The following ST6GAL2 variants were observed in gnomAD, a reference collection of about 807,000 sequenced individuals.
ST6GAL2 encodes ST6 beta-galactoside alpha-2,6-sialyltransferase 2, also known as beta-galactoside alpha-2,6-sialyltransferase 2.
A neutral mutation model predicts 37.5 loss-of-function variants in ST6GAL2; 24 were observed. That is an observed-to-expected ratio of 0.64 (90% CI 0.46 to 0.90). ST6GAL2 has a LOEUF of 0.90. Among genes scored for constraint, ST6GAL2 ranks in the 40% least tolerant of loss-of-function variants. The probability of loss-of-function intolerance (pLI) is 0.00; values close to 1 mark genes in which losing one functional copy is unlikely to be tolerated. For synonymous variants in ST6GAL2, 306 were observed against 295.1 expected, an observed-to-expected ratio of 1.04 and a Z score of -0.38; for missense variants, 715 against 712.7, an observed-to-expected ratio of 1.00 and a Z score of -0.04.
chr2:106,827,170 C>T (rs1337408130), intron 5 of ST6GAL2, among the ~76,000 whole-genome samples: 1 of 152,008 alleles, frequency 6.6e-6, no homozygotes, highest in Admixed American at 6.5e-5. Context: ...ATGAAGGGGG[C>T]ATTTGGAGAA....
At position 106,812,425 on chromosome 2, in the gene ST6GAL2, C is replaced by T. The variant is rs116108027; in HGVS notation, c.1319-5476G>A. Among the ~76,000 whole-genome samples the T allele has an allele frequency of 6.2e-3, 952 of 152,324 alleles. 5 individuals are homozygous for T. Among genetic ancestry groups the T allele is most frequent in the African/African-American group, 0.022 (918 of 41,580 alleles). ...CAGTACTCAGTGTTTCTATTTGAAA[C>T]TGGTCATGTCAGCAGTCTCTGCCTG... On this transcript the variant is annotated intron_variant, in intron 5 of 5. Transcript: ENST00000409382.
rs1046404145 is a variant in ST6GAL2, at chr2:106,802,147, T to G, written c.*4531A>C. The G allele has an allele frequency of 6.6e-6, 1 of 152,156 alleles. No homozygotes were observed. The highest frequency in any genetic ancestry group is 1.5e-5 in the Non-Finnish European group (1 of 68,038). The allele number at this position is 152,156 out of a possible 1,614,324, so 9.4% of individuals were successfully genotyped here. ...GTAGCCAAGATGTGCAGAGTATGAG[T>G]GTGTGGGAAGCGGTTGGCGGAGGAC... On this transcript the variant is annotated 3_prime_UTR_variant, in exon 6 of 6. Coordinates refer to ENST00000409382, the MANE Select transcript of ST6GAL2 (RefSeq NM_001142351.2).
At chr2:106,884,924 T>C (rs1468307642) in intron 1 of ST6GAL2, among the ~76,000 whole-genome samples, 1 of 122,004 alleles carries the variant, frequency 8.2e-6, no homozygotes, top group African/African-American at 3.6e-5. Context: ...TATATATATA[T>C]ATATATATAT....
intron 1 of ST6GAL2, among the ~76,000 whole-genome samples, chr2:106,884,916 TATATATATATATATATATAC>T (rs1158862474): frequency 5.3e-5 from 6 of 113,442 alleles, no homozygotes; most frequent in East Asian, 2.1e-4. Context: ...CATATATATA[TATATATATATATATATATAC>T]ATACACACAC....
In ST6GAL2 at chr2:106,820,856, T is replaced by C. The variant is rs181028416; in HGVS notation, c.1318+9210A>G. On this transcript the variant is annotated intron_variant, in intron 5 of 5. Transcript: ENST00000409382. ...AATTAAAAAGATGAATTTTGGAAAC[T>C]ATATAAACACATGAAAATAAAATGG... Among the ~76,000 whole-genome samples the C allele has an allele frequency of 2.4e-4, 37 of 152,074 alleles. No individual in the cohort carries two copies. The South Asian group carries it at 6.2e-3, about 26-fold the overall frequency.
chr2:106,806,789 C>G lies in ST6GAL2; in HGVS notation c.1479G>C (p.Gln493His). ...CCCCCTGCGTGCCCATGTTCAGGCG[C>G]TGCACCAGGAGCTTCTCATAGAGTA... ...HPLLYEKLLV[Q>H]RLNMGTQGDL... is the part of the protein sequence containing the mutation. The change falls in exon 6 of 6, where the codon CAG (glutamine) becomes CAC (histidine). Residue 493 changes from glutamine (Q) to histidine (H), a missense_variant. By Grantham distance (24) the Gln-to-His change is conservative (BLOSUM62 0). Transcript: ENST00000409382. The G allele has an allele frequency of 5.6e-6, 9 of 1,614,206 alleles. No individual in the cohort carries two copies. The highest frequency in any genetic ancestry group is 7.6e-6 in the Non-Finnish European group (9 of 1,180,040).
chr2:106,844,025 C>T lies in ST6GAL2; in HGVS notation c.-48G>A. ...CTTGTGTCTTAATGCAGATGGGTGG[C>T]AGAATGAACCTGAAAAACAGCCAGA... On this transcript the variant is annotated 5_prime_UTR_variant, in exon 2 of 6. Transcript: ENST00000409382. 1 of 1,463,594 alleles carries T rather than the reference C, an allele frequency of 6.8e-7. No individual in the cohort carries two copies. Among genetic ancestry groups the T allele is most frequent in the Non-Finnish European group, 9.1e-7 (1 of 1,093,326 alleles). 90.7% of individuals were successfully genotyped at this position (1,463,594 alleles called of 1,614,324 possible).
chr2:106,879,976 T>C (rs1269523336), intron 1 of ST6GAL2, among the ~76,000 whole-genome samples: 2 of 148,826 alleles, frequency 1.3e-5, no homozygotes, highest in Non-Finnish European at 3.0e-5. Context: ...CATACTATTA[T>C]ATACACATAT....
chr2:106,806,827 C>A lies in ST6GAL2; in HGVS notation c.1441G>T (p.Ala481Ser). Reference sequence around the variant, plus strand: ...TTCTCATAGAGTAGTGGGTGGTACGCCCCGAGGGTGCAGGCTGCGTCGTAG... The same window carrying A: ...TTCTCATAGAGTAGTGGGTGGTACGACCCGAGGGTGCAGGCTGCGTCGTAG... ...LYYDAACTLG[A>S]YHPLLYEKLL... Residue 481 changes from alanine (A) to serine (S), a missense_variant, in exon 6 of 6, where the codon GCG becomes TCG. Ala to Ser is a moderately conservative substitution (Grantham distance 99, BLOSUM62 1). Coordinates refer to ENST00000409382, the MANE Select transcript of ST6GAL2 (RefSeq NM_001142351.2). 1 of 1,614,150 alleles carries A rather than the reference C, an allele frequency of 6.2e-7. No individual in the cohort carries two copies. Among genetic ancestry groups the A allele is most frequent in the Non-Finnish European group, 8.5e-7 (1 of 1,180,032 alleles).
chr2:106,867,323 A>C (rs1678072292), intron 1 of ST6GAL2, among the ~76,000 whole-genome samples: 1 of 152,160 alleles, frequency 6.6e-6, no homozygotes, highest in African/African-American at 2.4e-5. Context: ...CTTCAGTTTC[A>C]GAAAATTTTT....
intron 1 of ST6GAL2, 56 bp downstream of exon 1, chr2:106,886,037 G>A (rs958499781): frequency 6.6e-6 from 1 of 152,320 alleles, no homozygotes. Context: ...GCAGCGCGGA[G>A]GCTGCAGCGC....
At chr2:106,873,820 T>C (rs1433114248) in intron 1 of ST6GAL2, among the ~76,000 whole-genome samples, 4 of 152,240 alleles carry the variant, frequency 2.6e-5, no homozygotes, top group African/African-American at 4.8e-5. Flanking sequence ...CTCTGAAGTA[T>C]AAGACAGTGT....
chr2:106,837,131 T>G (rs1258514823), intron 2 of ST6GAL2, among the ~76,000 whole-genome samples: 1 of 152,152 alleles, frequency 6.6e-6, no homozygotes, highest in Non-Finnish European at 1.5e-5. Flanking sequence ...TGAGAATATA[T>G]CTGCCAAATA....
chr2:106,855,178 A>G (rs1677525438), intron 1 of ST6GAL2, among the ~76,000 whole-genome samples: 1 of 152,244 alleles, frequency 6.6e-6, no homozygotes, highest in African/African-American at 2.4e-5. Flanking sequence ...ACAAGCATGA[A>G]CGAAAGGATA....
Position 106,853,068 on chromosome 2 carries a change from G to A in ST6GAL2, c.-57-9034C>T, listed in dbSNP as rs191774898. On this transcript the variant is annotated intron_variant, in intron 1 of 5. Coordinates refer to ENST00000409382, the MANE Select transcript of ST6GAL2 (RefSeq NM_001142351.2). ...GAACACGAAGCCAGAAAAAATTGCT[G>A]GGGTCAACTCAAGCACCAGCCTTAA... 2.7e-3 allele frequency among the ~76,000 whole-genome samples: 410 copies of A among 152,210 alleles called. 4 individuals are homozygous for A. Among genetic ancestry groups the A allele is most frequent in the African/African-American group, 9.3e-3 (385 of 41,532 alleles).
intron 2 of ST6GAL2, chr2:106,834,372 A>G: frequency 2.1e-6 from 1 of 474,498 alleles, no homozygotes; most frequent in South Asian, 2.7e-5. Context: ...CTGTTCAATT[A>G]TGGGCGAGAC....
At chr2:106,854,640 T>G (rs1573283194) in intron 1 of ST6GAL2, among the ~76,000 whole-genome samples, 1 of 152,274 alleles carries the variant, frequency 6.6e-6, no homozygotes, top group South Asian at 2.1e-4. Context: ...AGGAGGCACC[T>G]CTCTTTAACT....
chr2:106,848,631 A>G (rs7585279), intron 1 of ST6GAL2, among the ~76,000 whole-genome samples: 1 of 152,176 alleles, frequency 6.6e-6, no homozygotes, highest in African/African-American at 2.4e-5. Context: ...ATAATCTAAT[A>G]TGACCTTGGT....
chr2:106,808,836 T>C (rs1675511479), intron 5 of ST6GAL2, among the ~76,000 whole-genome samples: 1 of 152,094 alleles, frequency 6.6e-6, no homozygotes, highest in Non-Finnish European at 1.5e-5. Context: ...TGAAATCCCA[T>C]CTCTACTAAA....
Sources: gnomAD v4.1 joint callset for allele counts (sites outside exome capture counted in the v4.1 genomes callset) on GRCh38, gnomAD v4.1.1 for gene constraint, MANE v1.5 for transcripts, NCBI Gene and HGNC (gene_info 2026-07-23, HGNC 2026-07-21) for gene names.